ATP13A1: variants seen among roughly 807,000 people sequenced by gnomAD.
ATP13A1 encodes ATPase 13A1.
Under a neutral mutation model 134.8 loss-of-function variants are expected in ATP13A1, and 55 were observed. That is an observed-to-expected ratio of 0.41 (90% CI 0.33 to 0.51). ATP13A1 has a LOEUF of 0.51. Among genes scored for constraint, ATP13A1 ranks in the 20% least tolerant of loss-of-function variants. ATP13A1 has a pLI of 0.29. For missense variants in ATP13A1, 1,389 were observed against 1,652.8 expected (o/e 0.84, Z 2.77); for synonymous variants, 775 against 725.1 (o/e 1.07, Z -1.10).
In ATP13A1 at chr19:19,653,868, G is replaced by C; in HGVS notation, c.2016C>G (p.His672Gln). Residue 672 changes from histidine to glutamine, a missense_variant, in exon 15 of 26, where the codon CAC becomes CAG. His to Gln is a conservative substitution (Grantham distance 24). This residue lies in a region of ATP13A1 where 747 missense variants were observed against 956.1 expected (regional missense o/e 0.78). Coordinates refer to ENST00000357324, the MANE Select transcript of ATP13A1 (RefSeq NM_020410.3). This position sits in a 1 kb window ranked among gnomAD's most constrained non-coding sequence, Gnocchi z 4.2. ...SMFSQCPPDY[H>Q]HIHTEISREG... Reference sequence around the variant, plus strand: ...CCCGGGAGATCTCGGTGTGGATGTGGTGGTAGTCGGGCGGGCACTGGGAGA... The same window carrying C: ...CCCGGGAGATCTCGGTGTGGATGTGCTGGTAGTCGGGCGGGCACTGGGAGA... 1 of 1,567,506 alleles carries C rather than the reference G, an allele frequency of 6.4e-7. No individual in the cohort carries two copies. The highest frequency in any genetic ancestry group is 8.6e-7 in the Non-Finnish European group (1 of 1,156,886).
At chr19:19,654,419 T>A (rs1428002450) in intron 13 of ATP13A1, 124 bp downstream of exon 13, 1 of 1,265,768 alleles carries the variant, frequency 7.9e-7, no homozygotes, top group African/African-American at 1.5e-5. Context: ...GCCACCCACC[T>A]CGGGGAGCAT....
At position 19,655,661 on chromosome 19, in the gene ATP13A1, G is replaced by A; in HGVS notation, c.1270-7C>T. Reference sequence around the variant, plus strand: ...TGGTGCGCAGCAGCTTGCCCTGGAGGAATGGAGGAACAGCCTTTCTGCTGT... The same window carrying A: ...TGGTGCGCAGCAGCTTGCCCTGGAGAAATGGAGGAACAGCCTTTCTGCTGT... On this transcript the variant is annotated splice_region_variant and splice_polypyrimidine_tract_variant and intron_variant, in intron 9 of 25. Transcript: ENST00000357324. This position sits in a 1 kb window ranked among gnomAD's most constrained non-coding sequence, Gnocchi z 5.7. 3.1e-6 allele frequency: 5 copies of A among 1,611,670 alleles called. No homozygotes were observed. Among genetic ancestry groups the A allele is most frequent in the Non-Finnish European group, 4.2e-6 (5 of 1,178,964 alleles).
chr19:19,659,066 C>G (rs558098264), intron 3 of ATP13A1, among the ~76,000 whole-genome samples: 1 of 152,226 alleles, frequency 6.6e-6, no homozygotes, highest in South Asian at 2.1e-4. Context: ...AGCTGCAGAC[C>G]CTCTGGGGTT....
chr19:19,659,992 C>G lies in ATP13A1; in HGVS notation c.397-5G>C. On this transcript the variant is annotated splice_polypyrimidine_tract_variant and splice_region_variant and intron_variant, in intron 1 of 25. Coordinates refer to ENST00000357324, the MANE Select transcript of ATP13A1 (RefSeq NM_020410.3). ...CGCTTTGCTGGGGTCGTACTCCTGA[C>G]AGAGACAAAGAAAGCATTGTGGCTT... is the stretch of plus-strand genomic sequence containing the variant. 1 of 1,559,680 alleles carries G rather than the reference C, an allele frequency of 6.4e-7. No homozygotes were observed. Among genetic ancestry groups the G allele is most frequent in the Non-Finnish European group, 8.7e-7 (1 of 1,153,660 alleles).
At position 19,645,593 on chromosome 19, in the gene ATP13A1, A is replaced by G; in HGVS notation, c.3504+54T>C. 6.4e-7 allele frequency: 1 copy of G among 1,561,180 alleles called. No homozygotes were observed. On this transcript the variant is annotated intron_variant, in intron 25 of 25. Coordinates refer to ENST00000357324, the MANE Select transcript of ATP13A1 (RefSeq NM_020410.3). The surrounding 1 kb of genome is among the most constrained non-coding windows in gnomAD (Gnocchi z 4.1). The stretch of plus-strand genomic sequence containing the variant: ...TGCAGCCCAGCTCAGGGTCACTGCC[A>G]TAGGAGGGACCCATCAAGCTGAGCC...
chr19:19,652,858 G>A, intron 15 of ATP13A1, 138 bp from the exon 16 acceptor site: 2 of 1,259,942 alleles, frequency 1.6e-6, no homozygotes, highest in Non-Finnish European at 2.1e-6. Flanking sequence ...TGCGAGGGTT[G>A]GGAGGGGAGA....
chr19:19,646,685 A>C (rs2144895762), intron 22 of ATP13A1: 1 of 391,966 alleles, frequency 2.6e-6, no homozygotes, highest in South Asian at 3.2e-5. Context: ...GCCACCGGGG[A>C]CTCCCTGCGT....
Position 19,656,945 on chromosome 19 carries a change from A to C in ATP13A1, c.907-29T>G. ...GGCGGGGCATGGGTGTCAGCACAGA[A>C]GCCGCACCTGTGCTGCACCCCCAAC... On this transcript the variant is annotated intron_variant, in intron 5 of 25. Coordinates refer to ENST00000357324, the MANE Select transcript of ATP13A1 (RefSeq NM_020410.3). This position sits in a 1 kb window ranked among gnomAD's most constrained non-coding sequence, Gnocchi z 4.6. 6.2e-7 allele frequency: 1 copy of C among 1,605,388 alleles called. No individual in the cohort carries two copies. The highest frequency in any genetic ancestry group is 8.5e-7 in the Non-Finnish European group (1 of 1,176,458).
At position 19,653,590 on chromosome 19, in the gene ATP13A1, C is replaced by T; in HGVS notation, c.2100+194G>A. ...AGCCCTGCGTGTGCTCTGCGTGAGC[C>T]AGGACTGGGTGGGTCCCCACAGCAG... On this transcript the variant is annotated intron_variant, in intron 15 of 25. Coordinates refer to ENST00000357324, the MANE Select transcript of ATP13A1 (RefSeq NM_020410.3). This position sits in a 1 kb window ranked among gnomAD's most constrained non-coding sequence, Gnocchi z 4.2. 1 of 611,854 alleles carries T rather than the reference C, an allele frequency of 1.6e-6. No individual in the cohort carries two copies. Among genetic ancestry groups the T allele is most frequent in the Non-Finnish European group, 2.9e-6 (1 of 349,056 alleles). The allele number at this position is 611,854 out of a possible 1,614,324, so 37.9% of individuals were successfully genotyped here.
chr19:19,655,730 T>G lies in ATP13A1; in HGVS notation c.1270-76A>C, dbSNP rs947011728. 4 of 1,555,998 alleles carry G rather than the reference T, an allele frequency of 2.6e-6. No homozygotes were observed. The African/African-American group carries it at 5.4e-5, about 21-fold the overall frequency. The stretch of plus-strand genomic sequence containing the variant: ...CTCAGGCCTGGAAGCGTGGGCCTGG[T>G]CTTGGGGTGGCCTCTGCACCCTGGC... On this transcript the variant is annotated intron_variant, in intron 9 of 25. Transcript: ENST00000357324. This position sits in a 1 kb window ranked among gnomAD's most constrained non-coding sequence, Gnocchi z 5.7.
At position 19,655,859 on chromosome 19, in the gene ATP13A1, C is replaced by A; in HGVS notation, c.1269+19G>T. The stretch of plus-strand genomic sequence containing the variant: ...TCCAACTGCCCTGGGGCCCGCCCTC[C>A]CCAGACCTGGCCCCGCACCTGGGAT... On this transcript the variant is annotated intron_variant, in intron 9 of 25. Transcript: ENST00000357324. This position sits in a 1 kb window ranked among gnomAD's most constrained non-coding sequence, Gnocchi z 5.7. 1 of 1,571,450 alleles carries A rather than the reference C, an allele frequency of 6.4e-7. No individual in the cohort carries two copies. The highest frequency in any genetic ancestry group is 8.6e-7 in the Non-Finnish European group (1 of 1,164,222).
In ATP13A1 at chr19:19,654,669, T is replaced by C; in HGVS notation, c.1687A>G (p.Ile563Val). Residue 563 changes from isoleucine (I) to valine (V), a missense_variant, in exon 13 of 26, where the codon ATC becomes GTC. Physicochemically the swap from Ile to Val is conservative, Grantham distance 29. Around this residue, in one of 4 missense-constraint regions of ATP13A1, gnomAD observed 747 missense variants for 956.1 expected, o/e 0.78. Coordinates refer to ENST00000357324, the MANE Select transcript of ATP13A1 (RefSeq NM_020410.3). ...DGKEVTPVSS[I>V]PVETHRALAS... ...AGGGCCCGGTGTGTTTCTACAGGGA[T>C]GCTGGACACTGGGGTCACCTCCTTC... 3.7e-6 allele frequency: 6 copies of C among 1,613,254 alleles called. No homozygotes were observed. The highest frequency in any genetic ancestry group is 5.1e-6 in the Non-Finnish European group (6 of 1,179,762).
At chr19:19,648,353 A>G (rs2062000117) in intron 19 of ATP13A1, among the ~76,000 whole-genome samples, 1 of 152,092 alleles carries the variant, frequency 6.6e-6, no homozygotes, top group African/African-American at 2.4e-5. Flanking sequence ...AACTGATTTC[A>G]AAAGAAATAG....
Position 19,645,436 on chromosome 19 carries a change from T to G in ATP13A1, c.3601A>C (p.Lys1201Gln), listed in dbSNP as rs777498608. 5 of 1,602,114 alleles carry G rather than the reference T, an allele frequency of 3.1e-6. No homozygotes were observed. In the Admixed American group the frequency reaches 6.9e-5, roughly 22 times the overall value. ...GCACTGCCATCTCAGGAAGGCACTT[T>G]CAGCTTCGGGGTCCCCAGGAAGAAC... ...LQFFLGTPKLKVPS is the reference protein window; with the variant it reads ...LQFFLGTPKLQVPS Residue 1201 changes from lysine (K) to glutamine (Q), a missense_variant, in exon 26 of 26, where the codon AAA (lysine) becomes CAA (glutamine). Physicochemically the swap from Lys to Gln is moderately conservative, Grantham distance 53 (BLOSUM62 1). Transcript: ENST00000357324. The surrounding 1 kb of genome is among the most constrained non-coding windows in gnomAD (Gnocchi z 4.1).
chr19:19,647,018 A>G lies in ATP13A1; in HGVS notation c.3105+111T>C. On this transcript the variant is annotated intron_variant, in intron 22 of 25. Transcript: ENST00000357324. The surrounding 1 kb of genome is among the most constrained non-coding windows in gnomAD (Gnocchi z 4.8). ...CTGAGCCATCCCAGCTACAGCCCCC[A>G]TCTCTGGGGCCCTGGGTCCTGTAAC... The G allele has an allele frequency of 8.1e-7, 1 of 1,230,336 alleles. No individual in the cohort carries two copies. Among genetic ancestry groups the G allele is most frequent in the Non-Finnish European group, 1.1e-6 (1 of 896,396 alleles). 76.2% of individuals were successfully genotyped at this position (1,230,336 alleles called of 1,614,324 possible).
At position 19,649,733 on chromosome 19, in the gene ATP13A1, G is replaced by A. The variant is rs754675173; in HGVS notation, c.2535+8C>T. The A allele has an allele frequency of 1.6e-5, 25 of 1,606,340 alleles. No individual in the cohort carries two copies. The East Asian group carries it at 5.2e-4, about 33-fold the overall frequency. ...CTGTGCCCCTGACCCCTAGGGCTGT[G>A]CACATACCTTCTGCTTGGGAGCCAC... On this transcript the variant is annotated splice_region_variant and intron_variant, in intron 18 of 25. Coordinates refer to ENST00000357324, the MANE Select transcript of ATP13A1 (RefSeq NM_020410.3).
intron 13 of ATP13A1, 63 bp downstream of exon 13, chr19:19,654,480 C>A: frequency 6.6e-7 from 1 of 1,518,830 alleles, no homozygotes; most frequent in Non-Finnish European, 8.8e-7. Flanking sequence ...GTGCAGCCCA[C>A]CTGCCTAGGG....
Position 19,646,233 on chromosome 19 carries a change from G to T in ATP13A1, c.3220C>A (p.Arg1074Ser). 6.2e-7 allele frequency: 1 copy of T among 1,613,920 alleles called. No individual in the cohort carries two copies. Among genetic ancestry groups the T allele is most frequent in the South Asian group, 1.1e-5 (1 of 91,058 alleles). The part of the protein sequence containing the change: ...VHFLSLVYLY[R>S]EAQARSPEKQ... Reference sequence around the variant, plus strand: ...TCGGGGCTCCGGGCCTGGGCCTCACGGTACAGGTAGACAAGGCTCAGGAAG... The same window carrying T: ...TCGGGGCTCCGGGCCTGGGCCTCACTGTACAGGTAGACAAGGCTCAGGAAG... The change falls in exon 23 of 26, where the codon CGT (arginine) becomes AGT (serine). Residue 1074 changes from arginine (R) to serine (S), a missense_variant. Around this residue, in one of 4 missense-constraint regions of ATP13A1, gnomAD observed 228 missense variants for 321.0 expected, o/e 0.71. Coordinates refer to ENST00000357324, the MANE Select transcript of ATP13A1 (RefSeq NM_020410.3).
rs2062064968 is a variant in ATP13A1 at position 19,657,206 on chromosome 19, T to A, written c.751-57A>T. 3 of 1,485,586 alleles carry A rather than the reference T, an allele frequency of 2.0e-6. No individual in the cohort carries two copies. In the African/African-American group the frequency reaches 4.2e-5, roughly 21 times the overall value. The allele number at this position is 1,485,586 out of a possible 1,614,324, so 92.0% of individuals were successfully genotyped here. ...TACCCGCCCTGTTCCCATGAGCCCC[T>A]TCCACCCACCGGATCTGATATGTGA... On this transcript the variant is annotated intron_variant, in intron 4 of 25. Coordinates refer to ENST00000357324, the MANE Select transcript of ATP13A1 (RefSeq NM_020410.3).
Sources: gnomAD v4.1 joint callset for allele counts (sites outside exome capture counted in the v4.1 genomes callset) on GRCh38, gnomAD v4.1.1 for gene constraint, gnomAD v4.1.1 regional missense constraint, Gnocchi (gnomAD v3.1) non-coding constraint, MANE v1.5 for transcripts, NCBI Gene and HGNC (gene_info 2026-07-23, HGNC 2026-07-21) for gene names.